SV2B: variants seen among roughly 807,000 people sequenced by gnomAD.
The protein encoded by SV2B is synaptic vesicle glycoprotein 2B.
A neutral mutation model predicts 73.9 loss-of-function variants in SV2B; 41 were observed. The observed-to-expected ratio is 0.56, with a 90% CI of 0.43 to 0.72. The LOEUF (loss-of-function observed/expected upper bound fraction) is 0.72. SV2B is among the 30% of genes least tolerant of loss of function. The probability of loss-of-function intolerance (pLI) is 0.00; values close to 1 mark genes in which losing one functional copy is unlikely to be tolerated. For missense variants in SV2B, 764 were observed against 857.8 expected (o/e 0.89, Z 1.37); for synonymous variants, 314 against 314.2 (o/e 1.00, Z 0.01).
intron 1 of SV2B, among the ~76,000 whole-genome samples, chr15:91,177,804 G>C (rs1293202250): frequency 1.5e-5 from 2 of 135,228 alleles, no homozygotes; most frequent in African/African-American, 6.3e-5. Flanking sequence ...TGAGACAATG[G>C]GGTTTTCTAG....
At chr15:91,142,771 C>T (rs1306074313) in intron 1 of SV2B, among the ~76,000 whole-genome samples, 2 of 152,200 alleles carry the variant, frequency 1.3e-5, no homozygotes, top group South Asian at 2.1e-4. Context: ...AACCTATATT[C>T]TTTGCATTGT....
At chr15:91,112,173 G>T (rs2042055363) in intron 1 of SV2B, among the ~76,000 whole-genome samples, 1 of 152,102 alleles carries the variant, frequency 6.6e-6, no homozygotes, top group Non-Finnish European at 1.5e-5. Context: ...GGGATGGGGA[G>T]AAGTTTGGTG....
At chr15:91,195,413 G>A (rs2045209204) in intron 1 of SV2B, among the ~76,000 whole-genome samples, 2 of 152,186 alleles carry the variant, frequency 1.3e-5, no homozygotes, top group Non-Finnish European at 1.5e-5. Flanking sequence ...CCCCACCTCA[G>A]CCTCCCAAAG....
chr15:91,153,072 A>G (rs942750719), intron 1 of SV2B, among the ~76,000 whole-genome samples: 2 of 152,132 alleles, frequency 1.3e-5, no homozygotes, highest in African/African-American at 4.8e-5. Context: ...CCTGACATGC[A>G]GAAGGGCTAA....
intron 1 of SV2B, among the ~76,000 whole-genome samples, chr15:91,182,776 T>A (rs1163533172): frequency 1.3e-5 from 2 of 152,196 alleles, no homozygotes; most frequent in South Asian, 2.1e-4. Flanking sequence ...TCTACCATTT[T>A]AAAAAATGCC....
Position 91,289,170 on chromosome 15 carries a change from G to C in SV2B, c.1709-351G>C, listed in dbSNP as rs1035637417. ...TTGTTTTTGTTTTTTGGCCAATACT[G>C]ATGTAGCTCAAGCACCTAGAACAAT... On this transcript the variant is annotated intron_variant, in intron 11 of 12. Coordinates refer to ENST00000394232, the MANE Select transcript of SV2B (RefSeq NM_001323032.3). This position sits in a 1 kb window ranked among gnomAD's most constrained non-coding sequence, Gnocchi z 4.9. Among the ~76,000 whole-genome samples the C allele has an allele frequency of 4.6e-5, 7 of 152,144 alleles. No individual in the cohort carries two copies. The highest frequency in any genetic ancestry group is 1.4e-4 in the African/African-American group (6 of 41,432).
In SV2B at chr15:91,231,345, C is replaced by A. The variant is rs994447563; in HGVS notation, c.451+4631C>A. Among the ~76,000 whole-genome samples, 4 of 152,010 alleles carry A rather than the reference C, an allele frequency of 2.6e-5. No homozygotes were observed. The East Asian group carries it at 7.7e-4, about 29-fold the overall frequency. ...CCTGTGGTTTAGGGTGATCACTCTG[C>A]CCCAGTGATTTTGGTACTGAGAGTG... On this transcript the variant is annotated intron_variant, in intron 2 of 12. Transcript: ENST00000394232. This position sits in a 1 kb window ranked among gnomAD's most constrained non-coding sequence, Gnocchi z 4.5.
In SV2B at chr15:91,288,227, T is replaced by C. The variant is rs1273723737; in HGVS notation, c.1709-1294T>C. Among the ~76,000 whole-genome samples, 2 of 152,194 alleles carry C rather than the reference T, an allele frequency of 1.3e-5. No homozygotes were observed. The highest frequency in any genetic ancestry group is 1.3e-4 in the Admixed American group (2 of 15,288). ...GTACAGGTGTGTTCTCACCAGGTTA[T>C]AAGCTCCATGAGAATGGATTTTTTT... is the stretch of plus-strand genomic sequence containing the variant. On this transcript the variant is annotated intron_variant, in intron 11 of 12. Transcript: ENST00000394232. The surrounding 1 kb of genome is among the most constrained non-coding windows in gnomAD (Gnocchi z 5.8).
At chr15:91,161,226 T>C (rs1186581255) in intron 1 of SV2B, among the ~76,000 whole-genome samples, 1 of 152,196 alleles carries the variant, frequency 6.6e-6, no homozygotes, top group Non-Finnish European at 1.5e-5. Flanking sequence ...TTTATAGTGA[T>C]GATTGTATAA....
At position 91,131,654 on chromosome 15, in the gene SV2B, A is replaced by AAAAAAAAAC. The variant is rs1235049481; in HGVS notation, c.-392+31307_-392+31315dup. On this transcript the variant is annotated intron_variant, in intron 1 of 12. Coordinates refer to ENST00000394232, the MANE Select transcript of SV2B (RefSeq NM_001323032.3). ...ACTCTATTGCTACAAAAAATTTGAA[A>AAAAAAAAAC]AAAAAAAACAAAAAAAACAAAAAAG... Among the ~76,000 whole-genome samples the AAAAAAAAAC allele has an allele frequency of 2.1e-4, 32 of 151,860 alleles. No individual in the cohort carries two copies. In the South Asian group the frequency reaches 6.4e-3, roughly 31 times the overall value.
intron 6 of SV2B, among the ~76,000 whole-genome samples, chr15:91,264,122 T>G (rs948667805): frequency 6.6e-6 from 1 of 152,254 alleles, no homozygotes; most frequent in Non-Finnish European, 1.5e-5. Context: ...CGTCTTACTC[T>G]AGGGTGTCTC....
intron 1 of SV2B, among the ~76,000 whole-genome samples, chr15:91,198,246 C>T (rs2045324426): frequency 6.6e-6 from 1 of 152,118 alleles, no homozygotes; most frequent in Admixed American, 6.5e-5. Flanking sequence ...GGGCAGTGAG[C>T]TCACGGTGGT....
intron 2 of SV2B, among the ~76,000 whole-genome samples, chr15:91,237,907 G>C (rs955882367): frequency 6.6e-6 from 1 of 152,092 alleles, no homozygotes; most frequent in African/African-American, 2.4e-5. Context: ...GCTCTTATTT[G>C]GTCTTTAAAT....
At chr15:91,266,026 C>T (rs1334701505) in intron 6 of SV2B, among the ~76,000 whole-genome samples, 1 of 152,094 alleles carries the variant, frequency 6.6e-6, no homozygotes, top group Admixed American at 6.6e-5. Flanking sequence ...GCATGTAGTC[C>T]CAGCTACTCG....
chr15:91,227,518 T>A lies in SV2B; in HGVS notation c.451+804T>A, dbSNP rs2046423505. Among the ~76,000 whole-genome samples the A allele has an allele frequency of 6.6e-6, 1 of 152,232 alleles. No homozygotes were observed. Among genetic ancestry groups the A allele is most frequent in the African/African-American group, 2.4e-5 (1 of 41,462 alleles). ...GTATCTACCCTCTAAATTTAGAGTC[T>A]ATGAAATTAATTGTGCAGCAAACAT... On this transcript the variant is annotated intron_variant, in intron 2 of 12. Transcript: ENST00000394232. The surrounding 1 kb of genome is among the most constrained non-coding windows in gnomAD (Gnocchi z 4.5).
chr15:91,128,311 G>C lies in SV2B; in HGVS notation c.-392+27948G>C, dbSNP rs138399989. ...GGTGTCAGAATGTAAAAGCTGTTCT[G>C]TTCTTTCCTTGACAATTATCTTTGC... On this transcript the variant is annotated intron_variant, in intron 1 of 12. Transcript: ENST00000394232. This position sits in a 1 kb window ranked among gnomAD's most constrained non-coding sequence, Gnocchi z 4.2. Among the ~76,000 whole-genome samples the C allele has an allele frequency of 1.7e-4, 26 of 152,282 alleles. No homozygotes were observed. Among genetic ancestry groups the C allele is most frequent in the Admixed American group, 4.6e-4 (7 of 15,306 alleles).
In SV2B at chr15:91,283,742, C is replaced by T. The variant is rs2048759849; in HGVS notation, c.1508-279C>T. On this transcript the variant is annotated intron_variant, in intron 10 of 12. Transcript: ENST00000394232. This position sits in a 1 kb window ranked among gnomAD's most constrained non-coding sequence, Gnocchi z 4.3. ...GTGCTGGGATTACAGATGTGGGCCA[C>T]TACACCTGGCTGAGAGGATGCATTT... Among the ~76,000 whole-genome samples the T allele has an allele frequency of 6.6e-6, 1 of 152,122 alleles. No individual in the cohort carries two copies. Among genetic ancestry groups the T allele is most frequent in the Non-Finnish European group, 1.5e-5 (1 of 68,038 alleles).
At chr15:91,192,567 G>A (rs1208509104) in intron 1 of SV2B, among the ~76,000 whole-genome samples, 2 of 152,224 alleles carry the variant, frequency 1.3e-5, no homozygotes, top group Non-Finnish European at 2.9e-5. Context: ...GTGAAACAAT[G>A]TGACATTCTT....
rs532664559 is a variant in SV2B, at chr15:91,110,980, A to C, written c.-392+10617A>C. ...GGGACAATGGAGAAGTAGATGAGAA[A>C]GGGTATATGAAAACACGGTGGGGTG... On this transcript the variant is annotated intron_variant, in intron 1 of 12. Transcript: ENST00000394232. This position sits in a 1 kb window ranked among gnomAD's most constrained non-coding sequence, Gnocchi z 5.4. 1.3e-5 allele frequency among the ~76,000 whole-genome samples: 2 copies of C among 152,336 alleles called. No individual in the cohort carries two copies. Among genetic ancestry groups the C allele is most frequent in the African/African-American group, 4.8e-5 (2 of 41,580 alleles).
Sources: gnomAD v4.1 joint callset for allele counts (sites outside exome capture counted in the v4.1 genomes callset) on GRCh38, gnomAD v4.1.1 for gene constraint, Gnocchi (gnomAD v3.1) non-coding constraint, MANE v1.5 for transcripts, NCBI Gene and HGNC (gene_info 2026-07-23, HGNC 2026-07-21) for gene names.